Variants in PTPRT observed in about 807,000 individuals in gnomAD.
The protein encoded by PTPRT is receptor-type tyrosine-protein phosphatase T.
A neutral mutation model predicts 176.8 loss-of-function variants in PTPRT; 56 were observed. The ratio of observed to expected loss-of-function variants is 0.32; its 90% CI spans 0.26 to 0.40. The LOEUF is 0.40. Among genes scored for constraint, PTPRT ranks in the 10% least tolerant of loss-of-function variants. The probability of loss-of-function intolerance (pLI) is 1.00; values close to 1 mark genes in which losing one functional copy is unlikely to be tolerated. For missense variants in PTPRT, 1,540 were observed against 1,908.2 expected (o/e 0.81, Z 3.60); for synonymous variants, 783 against 739.0 (o/e 1.06, Z -0.96).
At chr20:42,361,971 C>A (rs540975683) in intron 9 of PTPRT, among the ~76,000 whole-genome samples, 1 of 152,252 alleles carries the variant, frequency 6.6e-6, no homozygotes, top group East Asian at 1.9e-4. Context: ...TTCATATCCC[C>A]AAAAGGAAAC....
intron 1 of PTPRT, among the ~76,000 whole-genome samples, chr20:43,102,638 A>G (rs1050402583): frequency 1.3e-5 from 2 of 152,214 alleles, no homozygotes; most frequent in African/African-American, 4.8e-5. Context: ...CTGTGGGTGC[A>G]GAGCAGGCTG....
At chr20:42,366,172 C>G (rs767097711) in intron 9 of PTPRT, among the ~76,000 whole-genome samples, 1 of 152,192 alleles carries the variant, frequency 6.6e-6, no homozygotes, top group South Asian at 2.1e-4. Context: ...TAGTGGACAC[C>G]TAATTAATGC....
rs1191178183 is a variant in PTPRT, at chr20:42,073,574, T to C, written c.*7305A>G. The C allele has an allele frequency of 4.6e-6, 1 of 219,294 alleles. No homozygotes were observed. Among genetic ancestry groups the C allele is most frequent in the Non-Finnish European group, 9.2e-6 (1 of 109,066 alleles). 13.6% of individuals were successfully genotyped at this position (219,294 alleles called of 1,614,324 possible). ...ACTCATGGCCCTGTTGGTCAGTGGG[T>C]CTGAGTTATGGCTGCTCTCATGAGA... is the stretch of plus-strand genomic sequence containing the variant. On this transcript the variant is annotated 3_prime_UTR_variant, in exon 31 of 31. Transcript: ENST00000373187.
At chr20:42,816,228 A>C (rs904947936) in intron 2 of PTPRT, among the ~76,000 whole-genome samples, 3 of 152,228 alleles carry the variant, frequency 2.0e-5, no homozygotes, top group African/African-American at 7.2e-5. Context: ...ATGCTATGAT[A>C]AAAGTAAGTA....
chr20:42,989,594 C>T (rs920344309), intron 1 of PTPRT, among the ~76,000 whole-genome samples: 3 of 152,290 alleles, frequency 2.0e-5, no homozygotes, highest in East Asian at 3.9e-4. Flanking sequence ...TTATACAAAA[C>T]TCCACTGGCT....
chr20:42,326,116 A>G (rs1365353464), intron 11 of PTPRT, among the ~76,000 whole-genome samples: 1 of 152,242 alleles, frequency 6.6e-6, no homozygotes, highest in African/African-American at 2.4e-5. Context: ...GGTCCTTTTA[A>G]GAGAGAACTG....
At chr20:43,078,165 A>C (rs886625571) in intron 1 of PTPRT, among the ~76,000 whole-genome samples, 3 of 152,224 alleles carry the variant, frequency 2.0e-5, no homozygotes, top group African/African-American at 4.8e-5. Flanking sequence ...AGAGTAAATG[A>C]CCAATCAGTC....
chr20:42,540,799 T>G (rs913521172), intron 7 of PTPRT, among the ~76,000 whole-genome samples: 1 of 152,066 alleles, frequency 6.6e-6, no homozygotes, highest in Admixed American at 6.6e-5. Context: ...ATTTACATAG[T>G]CAAAATAGTG....
At chr20:42,933,174 C>T (rs1979972145) in intron 1 of PTPRT, among the ~76,000 whole-genome samples, 1 of 152,204 alleles carries the variant, frequency 6.6e-6, no homozygotes, top group Non-Finnish European at 1.5e-5. Context: ...TTCCTCCAGC[C>T]TGGCCAAGCT....
intron 2 of PTPRT, among the ~76,000 whole-genome samples, chr20:42,796,938 T>C (rs2077463244): frequency 6.6e-6 from 1 of 152,202 alleles, no homozygotes; most frequent in Non-Finnish European, 1.5e-5. Flanking sequence ...ATAAAACACA[T>C]CTCATATTGT....
At chr20:43,185,162 C>G (rs1457012587) in intron 1 of PTPRT, among the ~76,000 whole-genome samples, 1 of 152,198 alleles carries the variant, frequency 6.6e-6, no homozygotes, top group Non-Finnish European at 1.5e-5. Context: ...CCTCCTGGAC[C>G]CAATTCTGTA....
chr20:42,193,974 G>A (rs906516553), intron 16 of PTPRT, among the ~76,000 whole-genome samples: 5 of 151,994 alleles, frequency 3.3e-5, no homozygotes, highest in Admixed American at 1.3e-4. Context: ...TTCTCATTAC[G>A]ACTCTGCAAT....
intron 5 of PTPRT, among the ~76,000 whole-genome samples, chr20:42,767,959 TG>T (rs1304401981): frequency 1.4e-5 from 2 of 141,062 alleles, no homozygotes; most frequent in Non-Finnish European, 3.0e-5. Flanking sequence ...ATATTATATA[TG>T]AAAATATATA....
At chr20:43,163,376 T>C (rs758719794) in intron 1 of PTPRT, among the ~76,000 whole-genome samples, 46 of 152,042 alleles carry the variant, frequency 3.0e-4, no homozygotes, top group East Asian at 9.7e-4. Flanking sequence ...CGGTGGCTCG[T>C]GACTGTAATC....
At chr20:42,412,625 A>G (rs1220566980) in intron 9 of PTPRT, among the ~76,000 whole-genome samples, 1 of 152,240 alleles carries the variant, frequency 6.6e-6, no homozygotes, top group Non-Finnish European at 1.5e-5. Flanking sequence ...AGTTTTACCT[A>G]TAGTAGACAA....
intron 5 of PTPRT, 60 bp from the exon 6 acceptor site, chr20:42,756,696 C>T (rs1474585658): frequency 7.2e-7 from 1 of 1,393,464 alleles, no homozygotes; most frequent in Non-Finnish European, 9.7e-7. Flanking sequence ...TTCTAGGTGA[C>T]TCCCAACACG....
chr20:42,145,927 G>A (rs970834904), intron 17 of PTPRT, among the ~76,000 whole-genome samples: 1 of 152,296 alleles, frequency 6.6e-6, no homozygotes, highest in Admixed American at 6.5e-5. Context: ...AATGTTATAA[G>A]GATAGGTAAG....
chr20:43,090,968 C>T (rs887999830), intron 1 of PTPRT, among the ~76,000 whole-genome samples: 11 of 152,210 alleles, frequency 7.2e-5, no homozygotes, highest in African/African-American at 1.2e-4. Flanking sequence ...CAGTGGCTCA[C>T]GCCTGTAATC....
intron 1 of PTPRT, among the ~76,000 whole-genome samples, chr20:43,153,421 T>A (rs1407791754): frequency 6.6e-6 from 1 of 152,226 alleles, no homozygotes; most frequent in Non-Finnish European, 1.5e-5. Context: ...AAAGGAACTA[T>A]AAATGAATTG....
Sources: allele counts gnomAD v4.1 joint callset (sites outside exome capture counted in the v4.1 genomes callset), GRCh38; gene constraint gnomAD v4.1.1; transcripts MANE v1.5; gene names NCBI Gene and HGNC (gene_info 2026-07-23, HGNC 2026-07-21).